Variants in ADARB2 observed in about 807,000 individuals in gnomAD.
ADARB2 encodes the protein inactive double-stranded RNA-specific editase B2.
In ADARB2, 25 loss-of-function variants were observed where a neutral mutation model predicts 62.2. That is an observed-to-expected ratio of 0.40 (90% CI 0.29 to 0.56). The LOEUF (loss-of-function observed/expected upper bound fraction) is 0.56. ADARB2 is among the 20% of genes least tolerant of loss of function. ADARB2 has a pLI of 0.43. For missense variants in ADARB2, 1,071 were observed against 1,077.4 expected, an observed-to-expected ratio of 0.99 and a Z score of 0.08; for synonymous variants, 572 against 500.8, an observed-to-expected ratio of 1.14 and a Z score of -1.90.
At chr10:1,580,849 T>C (rs1833088674) in intron 1 of ADARB2, among the ~76,000 whole-genome samples, 1 of 152,256 alleles carries the variant, frequency 6.6e-6, no homozygotes. Context: ...CATTTCAGAC[T>C]GCCTCATTCA....
rs1444446960 is a variant in ADARB2 at position 1,480,011 on chromosome 10, A to C, written c.101-100851T>G. On this transcript the variant is annotated intron_variant, in intron 1 of 9. Coordinates refer to ENST00000381312, the MANE Select transcript of ADARB2 (RefSeq NM_018702.4). ...AAGGAGCTGTCTTTAAAAACTCAAC[A>C]AACTGGAAATAGAAATAAATGCTCT... 2.6e-5 allele frequency among the ~76,000 whole-genome samples: 4 copies of C among 152,296 alleles called. No homozygotes were observed. In the East Asian group the frequency reaches 7.7e-4, roughly 29 times the overall value.
At chr10:1,557,948 A>AAAACAAAAC (rs1428418862) in intron 1 of ADARB2, among the ~76,000 whole-genome samples, 1 of 152,070 alleles carries the variant, frequency 6.6e-6, no homozygotes, top group Non-Finnish European at 1.5e-5. Context: ...AAAACAAAAC[A>AAAACAAAAC]AAATCCATGT....
chr10:1,342,743 C>T (rs1200684201), intron 3 of ADARB2, among the ~76,000 whole-genome samples: 1 of 152,216 alleles, frequency 6.6e-6, no homozygotes, highest in African/African-American at 2.4e-5. Flanking sequence ...GACTGTATTG[C>T]AATGGGGTGA....
At chr10:1,306,095 A>G (rs1445369203) in intron 3 of ADARB2, among the ~76,000 whole-genome samples, 1 of 151,938 alleles carries the variant, frequency 6.6e-6, no homozygotes, top group Admixed American at 6.5e-5. Flanking sequence ...AGGGTATTCA[A>G]TTAGGAAAAG....
At chr10:1,636,497 A>T (rs894531995) in intron 1 of ADARB2, among the ~76,000 whole-genome samples, 5 of 152,114 alleles carry the variant, frequency 3.3e-5, no homozygotes, top group Admixed American at 1.3e-4. Flanking sequence ...AGCCTGGGGG[A>T]CAGTGAGAAA....
intron 1 of ADARB2, among the ~76,000 whole-genome samples, chr10:1,559,957 G>A (rs531699144): frequency 7.2e-5 from 11 of 152,286 alleles, no homozygotes; most frequent in Admixed American, 3.9e-4. Context: ...CCTGGGCTCC[G>A]CATCAGATCT....
At chr10:1,211,383 C>T (rs1837149315) in intron 7 of ADARB2, among the ~76,000 whole-genome samples, 1 of 151,952 alleles carries the variant, frequency 6.6e-6, no homozygotes, top group African/African-American at 2.4e-5. Flanking sequence ...CATCTCTATC[C>T]ATCTATCTGT....
rs58396342 is a variant in ADARB2 at position 1,612,161 on chromosome 10, G to C, written c.100+124890C>G. Among the ~76,000 whole-genome samples, 808 of 152,330 alleles carry C rather than the reference G, an allele frequency of 5.3e-3. 1 individual carries two copies. Among genetic ancestry groups the C allele is most frequent in the African/African-American group, 0.018 (766 of 41,574 alleles). ...GGGCCGCCTCTCCCACAGCTCATCAGCCATTAAGAGAAATTCAGAAGAGGC... is the reference window on the plus strand; with the variant it reads ...GGGCCGCCTCTCCCACAGCTCATCACCCATTAAGAGAAATTCAGAAGAGGC... On this transcript the variant is annotated intron_variant, in intron 1 of 9. Transcript: ENST00000381312.
intron 1 of ADARB2, among the ~76,000 whole-genome samples, chr10:1,593,713 T>C (rs974339040): frequency 2.2e-4 from 34 of 152,214 alleles, no homozygotes; most frequent in Non-Finnish European, 3.8e-4. Context: ...TCCTCAGCAA[T>C]ATTACTTCTA....
At chr10:1,391,570 GGATT>G (rs1287851216) in intron 1 of ADARB2, among the ~76,000 whole-genome samples, 10 of 152,020 alleles carry the variant, frequency 6.6e-5, no homozygotes, top group Admixed American at 3.3e-4. Context: ...TCCACTTTGT[GGATT>G]GAAACTCTGT....
chr10:1,524,477 A>G (rs1480544271), intron 1 of ADARB2, among the ~76,000 whole-genome samples: 1 of 152,182 alleles, frequency 6.6e-6, no homozygotes, highest in African/African-American at 2.4e-5. Flanking sequence ...AGTTCCTCCA[A>G]CCAGACTTGG....
chr10:1,482,762 T>C (rs1831489569), intron 1 of ADARB2, among the ~76,000 whole-genome samples: 1 of 152,096 alleles, frequency 6.6e-6, no homozygotes, highest in Non-Finnish European at 1.5e-5. Context: ...GCAGTGAGGA[T>C]GACAACCCTT....
At chr10:1,683,214 T>A (rs1181447908) in intron 1 of ADARB2, among the ~76,000 whole-genome samples, 1 of 152,084 alleles carries the variant, frequency 6.6e-6, no homozygotes, top group Non-Finnish European at 1.5e-5. Context: ...TGACCCCAGA[T>A]GCAATTCACT....
chr10:1,583,888 T>C (rs775653957), intron 1 of ADARB2, among the ~76,000 whole-genome samples: 2 of 152,134 alleles, frequency 1.3e-5, no homozygotes, highest in African/African-American at 4.8e-5. Context: ...GGGTTAAGGG[T>C]TGATTGTTGA....
At chr10:1,201,949 G>A (rs1372326082) in intron 7 of ADARB2, among the ~76,000 whole-genome samples, 4 of 152,064 alleles carry the variant, frequency 2.6e-5, no homozygotes, top group Non-Finnish European at 4.4e-5. Flanking sequence ...AGATTCCACA[G>A]TGTGTCTCCC....
rs772798388 is a variant in ADARB2 at position 1,363,778 on chromosome 10, G to A, written c.327C>T (p.His109=). 2.5e-6 allele frequency: 4 copies of A among 1,601,828 alleles called. No homozygotes were observed. Among genetic ancestry groups the A allele is most frequent in the Non-Finnish European group, 3.4e-6 (4 of 1,179,182 alleles). Residue 109 remains histidine (H), a synonymous_variant, in exon 3 of 10, where the codon CAC becomes CAT. Transcript: ENST00000381312. ...TCCAGACCAGCTGCAGTTTGCACAA[G>A]TGGCCCCCATTCCCCTCCTCCAGCG... is the stretch of plus-strand genomic sequence containing the variant. ...KRPLEEGNGG[H]LCKLQLVWKK... is the part of the protein sequence containing the mutation.
At chr10:1,602,568 C>A (rs982590383) in intron 1 of ADARB2, among the ~76,000 whole-genome samples, 8 of 152,200 alleles carry the variant, frequency 5.3e-5, no homozygotes, top group Non-Finnish European at 1.0e-4. Flanking sequence ...CAGGGAGAGG[C>A]TATCCTGGCT....
At chr10:1,396,754 C>G (rs1170055104) in intron 1 of ADARB2, among the ~76,000 whole-genome samples, 11 of 62,620 alleles carry the variant, frequency 1.8e-4, no homozygotes, top group African/African-American at 4.1e-4. Flanking sequence ...CTCCCGAGTG[C>G]AGGCTTCCTG....
intron 1 of ADARB2, among the ~76,000 whole-genome samples, chr10:1,533,288 C>CTTT (rs5782582): frequency 4.1e-4 from 58 of 142,612 alleles, no homozygotes; most frequent in African/African-American, 1.4e-3. Flanking sequence ...CTGGCTCATT[C>CTTT]TTTTTTTTTT....
Sources: gnomAD v4.1 joint callset for allele counts (sites outside exome capture counted in the v4.1 genomes callset) on GRCh38, gnomAD v4.1.1 for gene constraint, MANE v1.5 for transcripts, NCBI Gene and HGNC (gene_info 2026-07-23, HGNC 2026-07-21) for gene names.